The following ADAMTS6 variants were observed in gnomAD, a reference collection of about 807,000 sequenced individuals.
ADAMTS6 encodes the protein A disintegrin and metalloproteinase with thrombospondin motifs 6.
A neutral mutation model predicts 144.3 loss-of-function variants in ADAMTS6; 23 were observed. That is an observed-to-expected ratio of 0.16 (90% CI 0.11 to 0.23). ADAMTS6 has a LOEUF of 0.23. Ranked by LOEUF, ADAMTS6 falls within the 10% of genes least tolerant of loss-of-function variation. ADAMTS6 has a pLI of 1.00. For synonymous variants in ADAMTS6, 444 were observed against 457.5 expected, an observed-to-expected ratio of 0.97 and a Z score of 0.38; for missense variants, 999 against 1,379.6, an observed-to-expected ratio of 0.72 and a Z score of 4.37.
At chr5:65,224,076 A>C (rs1757535358) in intron 18 of ADAMTS6, among the ~76,000 whole-genome samples, 1 of 152,156 alleles carries the variant, frequency 6.6e-6, no homozygotes, top group East Asian at 1.9e-4. Flanking sequence ...CTGGGATTAC[A>C]GGTGTGAGCC....
intron 9 of ADAMTS6, among the ~76,000 whole-genome samples, chr5:65,326,821 G>T (rs953322124): frequency 6.6e-6 from 1 of 152,146 alleles, no homozygotes; most frequent in Non-Finnish European, 1.5e-5. Flanking sequence ...AGAGTTGACC[G>T]CTAAGTCCCT....
At chr5:65,426,868 G>A (rs1756579014) in intron 7 of ADAMTS6, among the ~76,000 whole-genome samples, 1 of 151,974 alleles carries the variant, frequency 6.6e-6, no homozygotes, top group Non-Finnish European at 1.5e-5. Flanking sequence ...TGAAAGATAT[G>A]AGCCCACAGA....
chr5:65,473,888 T>C lies in ADAMTS6; in HGVS notation c.-215A>G, dbSNP rs1206429096. 3.8e-6 allele frequency: 2 copies of C among 526,818 alleles called. No homozygotes were observed. The highest frequency in any genetic ancestry group is 5.7e-5 in the East Asian group (2 of 34,846). The allele number at this position is 526,818 out of a possible 1,614,324, so 32.6% of individuals were successfully genotyped here. A position where few individuals can be genotyped will look rare whatever the true frequency, so the allele number is the denominator to read the frequency against. ...CAATCCAAAATGAAAAAAATAATGA[T>C]GGTAAAAGTTTTCATAAGCAAAGCA... is the stretch of plus-strand genomic sequence containing the variant. On this transcript the variant is annotated 5_prime_UTR_variant, in exon 2 of 25. Transcript: ENST00000381055.
At chr5:65,343,911 CA>C (rs1748082802) in intron 7 of ADAMTS6, among the ~76,000 whole-genome samples, 1 of 151,872 alleles carries the variant, frequency 6.6e-6, no homozygotes, top group South Asian at 2.1e-4. Context: ...AGACATTTCT[CA>C]AAAAAAGACA....
chr5:65,372,440 A>G (rs1480749111), intron 7 of ADAMTS6, among the ~76,000 whole-genome samples: 1 of 151,862 alleles, frequency 6.6e-6, no homozygotes, highest in Non-Finnish European at 1.5e-5. Context: ...AAACAAAAAA[A>G]GGCAGGGGTT....
chr5:65,337,538 A>G (rs1406965535), intron 7 of ADAMTS6, among the ~76,000 whole-genome samples: 2 of 152,142 alleles, frequency 1.3e-5, no homozygotes, highest in African/African-American at 4.8e-5. Flanking sequence ...GAAATCATTT[A>G]ATTCAAGCTC....
At chr5:65,415,462 A>G (rs1755427755) in intron 7 of ADAMTS6, 1 of 181,072 alleles carries the variant, frequency 5.5e-6, no homozygotes. Flanking sequence ...GGTCATGGCC[A>G]TGGTCAGGGC....
At chr5:65,357,006 G>C (rs1749381469) in intron 7 of ADAMTS6, among the ~76,000 whole-genome samples, 2 of 151,802 alleles carry the variant, frequency 1.3e-5, no homozygotes, top group South Asian at 4.1e-4. Context: ...GTTTGGTAAA[G>C]AGTTTGCTGT....
chr5:65,242,456 G>T (rs1224159633), intron 14 of ADAMTS6, among the ~76,000 whole-genome samples: 1 of 152,102 alleles, frequency 6.6e-6, no homozygotes, highest in Admixed American at 6.6e-5. Flanking sequence ...TTTACAGTTG[G>T]ATACATGTCA....
intron 9 of ADAMTS6, among the ~76,000 whole-genome samples, chr5:65,310,866 G>A (rs757122670): frequency 2.1e-4 from 32 of 152,112 alleles, no homozygotes; most frequent in Admixed American, 3.9e-4. Flanking sequence ...TTAAAATTGT[G>A]TGTTACTTTT....
intron 9 of ADAMTS6, among the ~76,000 whole-genome samples, chr5:65,302,969 G>C (rs2112810715): frequency 6.6e-6 from 1 of 152,118 alleles, no homozygotes; most frequent in South Asian, 2.1e-4. Flanking sequence ...ACAAAGAAAG[G>C]CATATCTTTC....
intron 24 of ADAMTS6, among the ~76,000 whole-genome samples, chr5:65,152,309 T>G (rs1168713933): frequency 1.3e-5 from 2 of 152,236 alleles, no homozygotes; most frequent in Non-Finnish European, 2.9e-5. Flanking sequence ...TATTGCTTCT[T>G]TCTCAAGGGT....
intron 22 of ADAMTS6, among the ~76,000 whole-genome samples, chr5:65,179,396 TA>T (rs1166299200): frequency 6.6e-6 from 1 of 152,106 alleles, no homozygotes; most frequent in Non-Finnish European, 1.5e-5. Flanking sequence ...GAAATAAGAT[TA>T]AGGACTGAGG....
chr5:65,201,477 A>T (rs548835540), intron 20 of ADAMTS6, among the ~76,000 whole-genome samples: 3 of 152,314 alleles, frequency 2.0e-5, no homozygotes, highest in South Asian at 2.1e-4. Context: ...CTTGAATTTA[A>T]CTTGAAAGGG....
At chr5:65,173,762 C>T (rs186856450) in intron 22 of ADAMTS6, among the ~76,000 whole-genome samples, 59 of 152,228 alleles carry the variant, frequency 3.9e-4, no homozygotes, top group African/African-American at 1.0e-3. Flanking sequence ...CGGCAGCTTA[C>T]GCCTGTAATC....
chr5:65,166,275 G>A (rs1199323050), intron 24 of ADAMTS6, among the ~76,000 whole-genome samples: 1 of 120,666 alleles, frequency 8.3e-6, no homozygotes, highest in Non-Finnish European at 1.7e-5. Flanking sequence ...AAGATCAAAA[G>A]AGACAAAGAA....
At chr5:65,258,680 G>T (rs1481573298) in intron 14 of ADAMTS6, among the ~76,000 whole-genome samples, 1 of 152,142 alleles carries the variant, frequency 6.6e-6, no homozygotes, top group African/African-American at 2.4e-5. Flanking sequence ...AAACTAATGG[G>T]ATTTCCTGAG....
chr5:65,340,014 T>C (rs1390327234), intron 7 of ADAMTS6, among the ~76,000 whole-genome samples: 1 of 151,614 alleles, frequency 6.6e-6, no homozygotes, highest in African/African-American at 2.4e-5. Flanking sequence ...TAGGAGAGAG[T>C]CCAGAAAGCT....
At position 65,224,846 on chromosome 5, in the gene ADAMTS6, CAG is replaced by C. The variant is rs199902861; in HGVS notation, c.2191+76_2191+77del. 1.6e-3 allele frequency: 2,349 copies of C among 1,455,864 alleles called. 30 individuals are homozygous for C. The African/African-American group carries it at 0.029, about 18-fold the overall frequency. The allele number at this position is 1,455,864 out of a possible 1,614,324, so 90.2% of individuals were successfully genotyped here. On this transcript the variant is annotated intron_variant, in intron 17 of 24. Transcript: ENST00000381055. ...TGCCTAAATAAAGAAATCTGAAAAA[CAG>C]GGGGAGGCGAAGCGAGGGTTTTGGC...
Sources: gnomAD v4.1 joint callset for allele counts (sites outside exome capture counted in the v4.1 genomes callset) on GRCh38, gnomAD v4.1.1 for gene constraint, MANE v1.5 for transcripts, NCBI Gene and HGNC (gene_info 2026-07-23, HGNC 2026-07-21) for gene names.